Variants in SPATA13 observed in about 807,000 individuals in gnomAD.
SPATA13 encodes spermatogenesis associated 13.
Under a neutral mutation model 104.0 loss-of-function variants are expected in SPATA13, and 50 were observed. The observed-to-expected ratio is 0.48, with a 90% CI of 0.38 to 0.61. The LOEUF (loss-of-function observed/expected upper bound fraction) is 0.61. Among genes scored for constraint, SPATA13 ranks in the 20% least tolerant of loss-of-function variants. The pLI, the probability that SPATA13 is intolerant of heterozygous loss-of-function variation, is 0.00. For synonymous variants in SPATA13, 606 were observed against 667.5 expected (o/e 0.91, Z 1.42); for missense variants, 1,524 against 1,690.6 (o/e 0.90, Z 1.73).
At chr13:24,087,078 G>C (rs1199464606) in intron 3 of SPATA13, among the ~76,000 whole-genome samples, 1 of 152,184 alleles carries the variant, frequency 6.6e-6, no homozygotes, top group African/African-American at 2.4e-5. Context: ...CCCTCCCCCA[G>C]TCACAGTGGG....
chr13:24,235,493 C>T (rs148045537), intron 2 of SPATA13, among the ~76,000 whole-genome samples: 142 of 152,320 alleles, frequency 9.3e-4, no homozygotes, highest in Non-Finnish European at 1.7e-3. Flanking sequence ...GACGTGGTGG[C>T]TCATGCCTAT....
At chr13:24,215,227 A>G (rs1871213726) in intron 1 of SPATA13, among the ~76,000 whole-genome samples, 1 of 152,204 alleles carries the variant, frequency 6.6e-6, no homozygotes, top group Admixed American at 6.5e-5. Flanking sequence ...CATGTCCTAA[A>G]TGAGGAGATG....
At chr13:24,283,886 A>T (rs1875726351) in intron 4 of SPATA13, among the ~76,000 whole-genome samples, 1 of 152,184 alleles carries the variant, frequency 6.6e-6, no homozygotes, top group South Asian at 2.1e-4. Context: ...TAATATCCTG[A>T]TGGTCTTCAC....
chr13:24,094,324 C>A (rs1035067012), intron 3 of SPATA13, among the ~76,000 whole-genome samples: 1 of 152,142 alleles, frequency 6.6e-6, no homozygotes, highest in East Asian at 1.9e-4. Context: ...CAGCTTTCCA[C>A]GGGTACATTT....
intron 2 of SPATA13, among the ~76,000 whole-genome samples, chr13:24,002,041 T>C (rs1365930159): frequency 6.6e-6 from 1 of 152,054 alleles, no homozygotes; most frequent in Non-Finnish European, 1.5e-5. Context: ...GAGCCACATG[T>C]CAACATCTTA....
chr13:24,137,551 G>A (rs2098972618), intron 3 of SPATA13, among the ~76,000 whole-genome samples: 1 of 152,190 alleles, frequency 6.6e-6, no homozygotes, highest in Admixed American at 6.5e-5. Flanking sequence ...CTTGAGGCCA[G>A]GAGTTTGAGG....
At chr13:24,047,814 T>C (rs1878204556) in intron 3 of SPATA13, among the ~76,000 whole-genome samples, 1 of 152,180 alleles carries the variant, frequency 6.6e-6, no homozygotes, top group South Asian at 2.1e-4. Flanking sequence ...ACCCACGTGA[T>C]CATGGAGGCT....
At chr13:24,146,628 G>A (rs374302752) in intron 3 of SPATA13, among the ~76,000 whole-genome samples, 3 of 114,126 alleles carry the variant, frequency 2.6e-5, no homozygotes, top group African/African-American at 9.6e-5. Flanking sequence ...CTAAGGAAAT[G>A]GAAATGCACA....
At chr13:24,139,069 GCT>G (rs1318795183) in intron 3 of SPATA13, among the ~76,000 whole-genome samples, 24 of 152,192 alleles carry the variant, frequency 1.6e-4, no homozygotes. Flanking sequence ...GCAGAGTTGT[GCT>G]CTGACAGCTC....
intron 1 of SPATA13, among the ~76,000 whole-genome samples, chr13:24,176,639 C>T (rs1868451824): frequency 6.6e-6 from 1 of 152,102 alleles, no homozygotes; most frequent in Admixed American, 6.6e-5. Flanking sequence ...CCTTCTTTCT[C>T]TCACCTTGGA....
intron 3 of SPATA13, among the ~76,000 whole-genome samples, chr13:24,153,502 C>G (rs886238825): frequency 5.9e-5 from 9 of 152,310 alleles, no homozygotes; most frequent in African/African-American, 2.2e-4. Flanking sequence ...TAGGACTCAG[C>G]ATGTGTAAAG....
chr13:24,007,290 G>A (rs1876276518), intron 2 of SPATA13, among the ~76,000 whole-genome samples: 1 of 152,220 alleles, frequency 6.6e-6, no homozygotes, highest in African/African-American at 2.4e-5. Context: ...CTAGGCCACT[G>A]CTTGCATCTT....
At chr13:24,063,763 A>G (rs1878855909) in intron 3 of SPATA13, among the ~76,000 whole-genome samples, 1 of 152,062 alleles carries the variant, frequency 6.6e-6, no homozygotes, top group Admixed American at 6.5e-5. Flanking sequence ...CAAAACAGAA[A>G]CCTGCTCTCT....
intron 1 of SPATA13, among the ~76,000 whole-genome samples, chr13:24,195,423 A>G (rs1025203289): frequency 1.3e-5 from 2 of 152,134 alleles, no homozygotes; most frequent in African/African-American, 4.8e-5. Context: ...CTCATGTACA[A>G]GTTTTTGTGT....
chr13:24,081,478 T>C (rs1879513015), intron 3 of SPATA13, among the ~76,000 whole-genome samples: 1 of 152,040 alleles, frequency 6.6e-6, no homozygotes, highest in Non-Finnish European at 1.5e-5. Context: ...CTCACATCAA[T>C]AGTATGAGGC....
chr13:24,262,634 T>C (rs1038343187), intron 4 of SPATA13, among the ~76,000 whole-genome samples: 1 of 152,236 alleles, frequency 6.6e-6, no homozygotes, highest in African/African-American at 2.4e-5. Context: ...TTCATGTCTT[T>C]ATCTGTAATG....
chr13:24,104,050 G>C (rs904540926), intron 3 of SPATA13, among the ~76,000 whole-genome samples: 5 of 152,078 alleles, frequency 3.3e-5, no homozygotes, highest in Admixed American at 1.3e-4. Context: ...ACATAGGAAC[G>C]TTGTGATTTT....
Position 24,302,906 on chromosome 13 carries a change from G to C in SPATA13, c.*133G>C. 1 of 1,123,732 alleles carries C rather than the reference G, an allele frequency of 8.9e-7. No homozygotes were observed. Among genetic ancestry groups the C allele is most frequent in the Non-Finnish European group, 1.3e-6 (1 of 783,802 alleles). 69.6% of individuals were successfully genotyped at this position (1,123,732 alleles called of 1,614,324 possible). ...TCCTTTTAGGGATCAATGAAGGAGA[G>C]AAGGTCTTGGAATCACCTTCAGTCT... On this transcript the variant is annotated 3_prime_UTR_variant, in exon 13 of 13. Transcript: ENST00000382108.
At chr13:24,291,775 A>T (rs1876391880) in intron 9 of SPATA13, among the ~76,000 whole-genome samples, 1 of 119,040 alleles carries the variant, frequency 8.4e-6, no homozygotes, top group Non-Finnish European at 1.9e-5. Context: ...TTTGAGACGG[A>T]GTCTCGTTCT....
Sources: gnomAD v4.1 joint callset for allele counts (sites outside exome capture counted in the v4.1 genomes callset) on GRCh38, gnomAD v4.1.1 for gene constraint, MANE v1.5 for transcripts, NCBI Gene and HGNC (gene_info 2026-07-23, HGNC 2026-07-21) for gene names.